POLR2F: variants seen among roughly 807,000 people sequenced by gnomAD.
POLR2F encodes the protein DNA-directed RNA polymerases I, II, and III subunit RPABC2.
POLR2F carries 12 observed loss-of-function variants against 22.7 expected under a neutral mutation model. The observed-to-expected ratio is 0.53, with a 90% confidence interval of 0.34 to 0.86. POLR2F has a LOEUF of 0.86. POLR2F is among the 40% of genes least tolerant of loss of function. The pLI is 0.02. For synonymous variants in POLR2F, 57 were observed against 66.0 expected, an observed-to-expected ratio of 0.86 and a Z score of 0.66; for missense variants, 126 against 171.5, an observed-to-expected ratio of 0.73 and a Z score of 1.48.
intron 5 of POLR2F, among the ~76,000 whole-genome samples, chr22:38,036,356 T>C (rs187638694): frequency 1.3e-5 from 2 of 151,786 alleles, no homozygotes; most frequent in African/African-American, 4.8e-5. Flanking sequence ...TCAGAGTCCT[T>C]TGAGAAGCTT....
chr22:38,026,340 G>A (rs761583491), exon 3 of POLR2F: 1 of 527,548 alleles, frequency 1.9e-6, no homozygotes, highest in Admixed American at 2.0e-5. Flanking sequence ...GCAGACCCAG[G>A]ACCCAGCCCT....
At chr22:37,993,726 A>C (rs536538608) in intron 1 of POLR2F, among the ~76,000 whole-genome samples, 64 of 152,332 alleles carry the variant, frequency 4.2e-4, no homozygotes, top group Admixed American at 2.0e-3. Context: ...ACAGTGGCTC[A>C]CGACTGTAAT....
chr22:38,000,624 G>T (rs1487287052), intron 1 of POLR2F, among the ~76,000 whole-genome samples: 1 of 152,332 alleles, frequency 6.6e-6, no homozygotes, highest in Non-Finnish European at 1.5e-5. Flanking sequence ...CAGCCCAGGG[G>T]CTGCTGGACA....
At chr22:38,038,832 C>G (rs1487734119) in intron 5 of POLR2F, among the ~76,000 whole-genome samples, 1 of 140,818 alleles carries the variant, frequency 7.1e-6, no homozygotes, top group African/African-American at 2.6e-5. Context: ...CTGACCGTGG[C>G]GGCCGCGGCG....
intron 1 of POLR2F, among the ~76,000 whole-genome samples, chr22:38,009,673 C>T (rs1361048973): frequency 6.6e-6 from 1 of 152,090 alleles, no homozygotes; most frequent in East Asian, 1.9e-4. Flanking sequence ...TGTCATCCCT[C>T]CCTTCACCCC....
chr22:38,035,141 C>G (rs532153551), intron 5 of POLR2F, among the ~76,000 whole-genome samples: 1 of 152,304 alleles, frequency 6.6e-6, no homozygotes, highest in Non-Finnish European at 1.5e-5. Context: ...CTCTCTCTCC[C>G]CCTGTGTGTG....
At chr22:37,954,484 A>G (rs1337887193) in intron 1 of POLR2F, among the ~76,000 whole-genome samples, 1 of 152,034 alleles carries the variant, frequency 6.6e-6, no homozygotes, top group African/African-American at 2.4e-5. Flanking sequence ...TTGTAGTTTT[A>G]GTAGAGACGG....
downstream of POLR2F, chr22:37,970,563 CAA>C (rs1267591831): frequency 1.6e-5 from 2 of 124,478 alleles, no homozygotes; most frequent in African/African-American, 6.3e-5. Context: ...GCCAAGATTG[CAA>C]CATTGCACTC....
intron 5 of POLR2F, among the ~76,000 whole-genome samples, chr22:38,038,985 C>T (rs367629926): frequency 2.6e-5 from 4 of 152,150 alleles, no homozygotes; most frequent in African/African-American, 9.7e-5. Flanking sequence ...ACCCACCTTG[C>T]GCCCCCCAGG....
chr22:38,041,090 T>C (rs1435320960), exon 6 of POLR2F: 1 of 1,612,288 alleles, frequency 6.2e-7, no homozygotes. Context: ...CAGAGAGGAG[T>C]GACTCGCCTG....
At chr22:38,029,011 T>C (rs1601916707), downstream of POLR2F, among the ~76,000 whole-genome samples, 1 of 151,698 alleles carries the variant, frequency 6.6e-6, no homozygotes. Flanking sequence ...TCTGAAAGGG[T>C]TTCAGAGGAG....
At chr22:37,958,035 A>G (rs1931470236) in intron 2 of POLR2F, among the ~76,000 whole-genome samples, 1 of 152,066 alleles carries the variant, frequency 6.6e-6, no homozygotes, top group Non-Finnish European at 1.5e-5. Flanking sequence ...GTGTCTTGCT[A>G]CGTTGTCTAG....
downstream of POLR2F, chr22:37,973,004 G>C (rs917630674): frequency 6.4e-6 from 1 of 157,406 alleles, no homozygotes; most frequent in South Asian, 1.9e-4. Context: ...CCCTGAGTGG[G>C]AGACACGGCC....
upstream of POLR2F, chr22:37,985,058 C>T (rs1932531606): frequency 6.6e-6 from 1 of 152,408 alleles, no homozygotes; most frequent in African/African-American, 2.4e-5. Flanking sequence ...CCAGGCAGCC[C>T]TTTCTGCCCC....
At chr22:38,032,682 G>A (rs1339487785) in intron 5 of POLR2F, 1 of 152,354 alleles carries the variant, frequency 6.6e-6, no homozygotes, top group Admixed American at 6.5e-5. Context: ...GTGTGCTGTA[G>A]GAACCAACGT....
rs572928214 is a variant in POLR2F, at chr22:38,034,816, G to A, written c.453-6252G>A. Among the ~76,000 whole-genome samples the A allele has an allele frequency of 1.1e-4, 17 of 152,338 alleles. No homozygotes were observed. The East Asian group carries it at 3.3e-3, about 29-fold the overall frequency. ...CACTGGAGGTGGGGGCAGGGCTTGA[G>A]CAGAGGCCAGAGGAGAAACCAGTTG... On this transcript the variant is annotated intron_variant, in intron 5 of 5. Coordinates refer to the POLR2F transcript ENST00000407936.
chr22:37,989,124 C>G (rs919765995), intron 1 of POLR2F, among the ~76,000 whole-genome samples: 1 of 152,148 alleles, frequency 6.6e-6, no homozygotes, highest in Admixed American at 6.5e-5. Context: ...TGGAAAGTGA[C>G]TTGAAGTCAA....
Position 37,997,278 on chromosome 22 carries a change from C to G in POLR2F, c.120+10966C>G, listed in dbSNP as rs933738323. ...GCCTCCACCTTGTTTCTTTCTCTGT[C>G]CATTGCTCCCTCCTTCTCCTCTTTC... On this transcript the variant is annotated intron_variant, in intron 1 of 2. Transcript: ENST00000333418. This position sits in a 1 kb window ranked among gnomAD's most constrained non-coding sequence, Gnocchi z 4.4. Among the ~76,000 whole-genome samples the G allele has an allele frequency of 2.6e-5, 4 of 152,156 alleles. No individual in the cohort carries two copies. Among genetic ancestry groups the G allele is most frequent in the Admixed American group, 6.5e-5 (1 of 15,284 alleles).
At chr22:38,020,206 T>TATACACAC (rs1555945798) in intron 1 of POLR2F, among the ~76,000 whole-genome samples, 2 of 144,710 alleles carry the variant, frequency 1.4e-5, no homozygotes, top group African/African-American at 2.6e-5. Flanking sequence ...CACACATATA[T>TATACACAC]ACACACACAC....
Sources: allele counts gnomAD v4.1 joint callset (sites outside exome capture counted in the v4.1 genomes callset), GRCh38; gene constraint gnomAD v4.1.1; non-coding constraint Gnocchi (gnomAD v3.1); transcripts MANE v1.5; gene names NCBI Gene and HGNC (gene_info 2026-07-23, HGNC 2026-07-21).